Variants in SLCO5A1 observed in about 807,000 individuals in gnomAD.
SLCO5A1 encodes solute carrier organic anion transporter family member 5A1, also known as organic anion transporter polypeptide-related protein 4.
A neutral mutation model predicts 65.1 loss-of-function variants in SLCO5A1; 39 were observed. The observed-to-expected ratio is 0.60, with a 90% CI of 0.46 to 0.78. The LOEUF is 0.78. SLCO5A1 is among the 30% of genes least tolerant of loss of function. The probability of loss-of-function intolerance (pLI) is 0.00; values close to 1 mark genes in which losing one functional copy is unlikely to be tolerated. For missense variants in SLCO5A1, 1,029 were observed against 1,069.4 expected, an observed-to-expected ratio of 0.96 and a Z score of 0.53; for synonymous variants, 438 against 415.7, an observed-to-expected ratio of 1.05 and a Z score of -0.65.
chr8:69,688,380 C>G (rs1162712370), intron 6 of SLCO5A1, among the ~76,000 whole-genome samples: 1 of 151,886 alleles, frequency 6.6e-6, no homozygotes, highest in Non-Finnish European at 1.5e-5. Context: ...TACATGTGCA[C>G]AATGTGCAGG....
intron 4 of SLCO5A1, among the ~76,000 whole-genome samples, chr8:69,739,918 G>A (rs1816722830): frequency 6.6e-6 from 1 of 152,128 alleles, no homozygotes; most frequent in African/African-American, 2.4e-5. Context: ...CATATTAAAA[G>A]CCAATGTGTT....
At chr8:69,694,038 G>C (rs971811725) in intron 6 of SLCO5A1, among the ~76,000 whole-genome samples, 1 of 152,220 alleles carries the variant, frequency 6.6e-6, no homozygotes, top group African/African-American at 2.4e-5. Flanking sequence ...CATGTAGCAC[G>C]ATGCCTGTAA....
chr8:69,749,124 A>G (rs141924371), intron 4 of SLCO5A1, among the ~76,000 whole-genome samples: 99 of 152,314 alleles, frequency 6.5e-4, no homozygotes, highest in Non-Finnish European at 1.3e-3. Flanking sequence ...ACCTGGACAC[A>G]TTCATACTAT....
chr8:69,823,482 T>C (rs901375378), intron 2 of SLCO5A1, among the ~76,000 whole-genome samples: 1 of 152,126 alleles, frequency 6.6e-6, no homozygotes, highest in Non-Finnish European at 1.5e-5. Context: ...AATCCTAGTC[T>C]CTGATAAAAC....
intron 5 of SLCO5A1, among the ~76,000 whole-genome samples, chr8:69,728,077 AC>A (rs1346831891): frequency 6.6e-6 from 1 of 152,220 alleles, no homozygotes; most frequent in East Asian, 1.9e-4. Flanking sequence ...TAGACTTCAC[AC>A]AATAGAGTAC....
At chr8:69,697,963 T>A (rs988434360) in intron 6 of SLCO5A1, among the ~76,000 whole-genome samples, 2 of 137,424 alleles carry the variant, frequency 1.5e-5, no homozygotes, top group Non-Finnish European at 3.3e-5. Context: ...ATTTCATCAC[T>A]CAGGTAATCA....
chr8:69,794,655 T>A (rs1196802868), intron 2 of SLCO5A1: 2 of 324,102 alleles, frequency 6.2e-6, no homozygotes, highest in Non-Finnish European at 1.2e-5. Context: ...TTAGGACTCT[T>A]TATGATATTT....
chr8:69,766,105 A>G (rs576246678), intron 2 of SLCO5A1, among the ~76,000 whole-genome samples: 3 of 152,194 alleles, frequency 2.0e-5, no homozygotes, highest in Non-Finnish European at 4.4e-5. Context: ...ATCAAATTAT[A>G]TACAGCATCC....
At chr8:69,682,099 G>A in intron 7 of SLCO5A1, 85 bp downstream of exon 7, 1 of 1,405,084 alleles carries the variant, frequency 7.1e-7, no homozygotes, top group Non-Finnish European at 9.7e-7. Context: ...AAAGACTGAA[G>A]TCATTGTAGC....
intron 2 of SLCO5A1, among the ~76,000 whole-genome samples, chr8:69,772,653 GGA>G (rs1818382328): frequency 6.9e-6 from 1 of 145,886 alleles, no homozygotes; most frequent in East Asian, 2.0e-4. Flanking sequence ...GGAAAGGAAA[GGA>G]AAAGAAATGA....
intron 2 of SLCO5A1, among the ~76,000 whole-genome samples, chr8:69,776,795 A>T (rs1361143527): frequency 2.0e-5 from 3 of 152,260 alleles, no homozygotes; most frequent in Non-Finnish European, 4.4e-5. Flanking sequence ...ATGGCAAATA[A>T]GCACATGAAA....
chr8:69,703,118 A>G (rs1372482309), intron 6 of SLCO5A1, among the ~76,000 whole-genome samples: 1 of 144,032 alleles, frequency 6.9e-6, no homozygotes, highest in Non-Finnish European at 1.5e-5. Context: ...TTCAAAAAAA[A>G]AAAAAAGAAA....
chr8:69,738,114 G>A lies in SLCO5A1; in HGVS notation c.1349C>T (p.Ala450Val). Residue 450 changes from alanine (A) to valine (V), a missense_variant, in exon 5 of 10, where the codon GCT (alanine) becomes GTT (valine). Coordinates refer to ENST00000260126, the MANE Select transcript of SLCO5A1 (RefSeq NM_030958.3). ...GAACTTGGGAATGAAGGTAATGAAA[G>A]CAGTTACAATGGCACTCTCAGCTGT... is the stretch of plus-strand genomic sequence containing the variant. Reference protein sequence around the residue: ...SYTAESAIVTAFITFIPKFIE... With the variant: ...SYTAESAIVTVFITFIPKFIE... 6.2e-7 allele frequency: 1 copy of A among 1,613,944 alleles called. No homozygotes were observed. The highest frequency in any genetic ancestry group is 8.5e-7 in the Non-Finnish European group (1 of 1,179,888).
At position 69,705,227 on chromosome 8, in the gene SLCO5A1, C is replaced by A. The variant is rs1400718124; in HGVS notation, c.1426G>T (p.Val476Phe). ...ACACCAGCACTGGGGACGATAATAACCCCTGGGGAGAAGAGAAGGAGAGGA... is the reference window on the plus strand; with the variant it reads ...ACACCAGCACTGGGGACGATAATAAACCCTGGGGAGAAGAGAAGGAGAGGA... The part of the protein sequence containing the change: ...PASNASIYTG[V>F]IIVPSAGVGI... Residue 476 changes from valine to phenylalanine, a missense_variant and splice_region_variant, in exon 6 of 10, where the codon GTT becomes TTT. Val to Phe is a conservative substitution (Grantham distance 50). Transcript: ENST00000260126. 5.6e-6 allele frequency: 9 copies of A among 1,613,740 alleles called. No homozygotes were observed. The highest frequency in any genetic ancestry group is 1.3e-5 in the African/African-American group (1 of 74,980).
chr8:69,814,332 C>CA, intron 2 of SLCO5A1, among the ~76,000 whole-genome samples: 1 of 152,048 alleles, frequency 6.6e-6, no homozygotes, highest in South Asian at 2.1e-4. Context: ...AGCAAGAAAA[C>CA]AAAAAATTCA....
chr8:69,776,571 T>A (rs1372029738), intron 2 of SLCO5A1, among the ~76,000 whole-genome samples: 1 of 152,060 alleles, frequency 6.6e-6, no homozygotes, highest in African/African-American at 2.4e-5. Flanking sequence ...GCATCTGTAG[T>A]CCCGGCTACT....
chr8:69,727,245 G>A (rs560142800), intron 5 of SLCO5A1, among the ~76,000 whole-genome samples: 16 of 152,208 alleles, frequency 1.1e-4, no homozygotes, highest in South Asian at 2.1e-4. Context: ...ATGAATGGGC[G>A]AAGGGATGGC....
intron 5 of SLCO5A1, among the ~76,000 whole-genome samples, chr8:69,718,889 G>A (rs1011372169): frequency 5.3e-5 from 8 of 152,076 alleles, no homozygotes; most frequent in South Asian, 4.1e-4. Context: ...AATGCTCAGC[G>A]GAGAAAGGAA....
chr8:69,792,686 A>G (rs1405202631), intron 2 of SLCO5A1, among the ~76,000 whole-genome samples: 1 of 152,202 alleles, frequency 6.6e-6, no homozygotes, highest in Non-Finnish European at 1.5e-5. Context: ...GAAAAGATTC[A>G]TAAGACTTGA....
Sources: gnomAD v4.1 joint callset for allele counts (sites outside exome capture counted in the v4.1 genomes callset) on GRCh38, gnomAD v4.1.1 for gene constraint, MANE v1.5 for transcripts, NCBI Gene and HGNC (gene_info 2026-07-23, HGNC 2026-07-21) for gene names.